The following ZNF385D variants were observed in gnomAD, a reference collection of about 807,000 sequenced individuals.
ZNF385D encodes the protein zinc finger protein 659.
Under a neutral mutation model 35.8 loss-of-function variants are expected in ZNF385D, and 15 were observed. That is an observed-to-expected ratio of 0.42 (90% CI 0.28 to 0.64). ZNF385D has a LOEUF of 0.64. Ranked by LOEUF, ZNF385D falls within the 30% of genes least tolerant of loss-of-function variation. The probability of loss-of-function intolerance (pLI) is 0.23; values close to 1 mark genes in which losing one functional copy is unlikely to be tolerated. For synonymous variants in ZNF385D, 212 were observed against 186.8 expected (o/e 1.13, Z -1.10); for missense variants, 474 against 494.6 (o/e 0.96, Z 0.39).
rs192863919 is a variant in ZNF385D, at chr3:22,070,075, T to C, written c.325+98742A>G. On this transcript the variant is annotated intron_variant, in intron 3 of 5. Transcript: ENST00000494108. ...TGTATGCTGACATTGAAAATGGCCC[T>C]TTCCTAGAATTAAAAACACATTAAT... is the stretch of plus-strand genomic sequence containing the variant. 6.2e-4 allele frequency among the ~76,000 whole-genome samples: 94 copies of C among 152,318 alleles called. 1 individual carries two copies. The East Asian group carries it at 0.016, about 26-fold the overall frequency.
chr3:21,840,826 T>C (rs3849553), intron 3 of ZNF385D, among the ~76,000 whole-genome samples: 1 of 151,944 alleles, frequency 6.6e-6, no homozygotes, highest in Admixed American at 6.6e-5. Flanking sequence ...CATATACTTA[T>C]TATATTGAAA....
At chr3:21,999,248 T>C (rs2878720) in intron 3 of ZNF385D, among the ~76,000 whole-genome samples, 1 of 151,938 alleles carries the variant, frequency 6.6e-6, no homozygotes, top group African/African-American at 2.4e-5. Context: ...AGGTTTTCAC[T>C]GACAAACATA....
In ZNF385D at chr3:22,073,503, A is replaced by C. The variant is rs571245814; in HGVS notation, c.325+95314T>G. The stretch of plus-strand genomic sequence containing the variant: ...ATTTAATAATTGCTTTATTTTTAAA[A>C]AGTGTAAAAAGCCATACACAACAAC... On this transcript the variant is annotated intron_variant, in intron 3 of 5. Transcript: ENST00000494108. 2.0e-5 allele frequency among the ~76,000 whole-genome samples: 3 copies of C among 152,098 alleles called. No individual in the cohort carries two copies. In the East Asian group the frequency reaches 5.8e-4, roughly 29 times the overall value.
At chr3:21,696,386 G>A (rs2067470842) in intron 1 of ZNF385D, among the ~76,000 whole-genome samples, 1 of 152,074 alleles carries the variant, frequency 6.6e-6, no homozygotes. Flanking sequence ...ATAATCCCTG[G>A]TCCCTTACAT....
chr3:22,360,549 C>T (rs956944973), intron 2 of ZNF385D, among the ~76,000 whole-genome samples: 4 of 151,876 alleles, frequency 2.6e-5, no homozygotes, highest in African/African-American at 7.3e-5. Context: ...TTCTTAGACT[C>T]GATTTATTAA....
At chr3:21,617,774 G>A (rs74385031) in intron 2 of ZNF385D, among the ~76,000 whole-genome samples, 1,837 of 152,240 alleles carry the variant, frequency 0.012, 20 homozygotes, top group Non-Finnish European at 0.02. Context: ...CCCTTGGTAC[G>A]ATGTTTGAGA....
chr3:22,214,495 C>A (rs1317023004), intron 2 of ZNF385D, among the ~76,000 whole-genome samples: 1 of 152,076 alleles, frequency 6.6e-6, no homozygotes, highest in Admixed American at 6.6e-5. Flanking sequence ...CGGAACAGAG[C>A]CATATTTCTC....
intron 1 of ZNF385D, among the ~76,000 whole-genome samples, chr3:21,700,643 G>T (rs2067646965): frequency 6.6e-6 from 1 of 152,072 alleles, no homozygotes; most frequent in African/African-American, 2.4e-5. Context: ...CTCATTTACT[G>T]GTGTGTAAAA....
At chr3:21,795,520 C>T (rs1290040643) in intron 3 of ZNF385D, among the ~76,000 whole-genome samples, 5 of 152,084 alleles carry the variant, frequency 3.3e-5, no homozygotes, top group African/African-American at 1.2e-4. Flanking sequence ...TTTATGTCAC[C>T]CGGGGAGAAA....
intron 3 of ZNF385D, among the ~76,000 whole-genome samples, chr3:21,552,875 G>A (rs1575161477): frequency 6.6e-6 from 1 of 152,174 alleles, no homozygotes; most frequent in African/African-American, 2.4e-5. Flanking sequence ...TTAATCAGCT[G>A]ACTTTAAAAT....
At chr3:21,899,045 G>A (rs538212054) in intron 3 of ZNF385D, among the ~76,000 whole-genome samples, 1 of 152,170 alleles carries the variant, frequency 6.6e-6, no homozygotes, top group African/African-American at 2.4e-5. Context: ...TCAGACAATA[G>A]TTCCCATCAG....
Position 22,237,337 on chromosome 3 carries a change from C to A in ZNF385D, c.107-68302G>T, listed in dbSNP as rs138451167. On this transcript the variant is annotated intron_variant, in intron 2 of 5. Coordinates refer to the ZNF385D transcript ENST00000494108. ...TTGTATATCTCTTGGAGAAGTATCCCTTTAAATCACTTGCCCATTTTAATT... is the reference window on the plus strand; with the variant it reads ...TTGTATATCTCTTGGAGAAGTATCCATTTAAATCACTTGCCCATTTTAATT... Among the ~76,000 whole-genome samples the A allele has an allele frequency of 1.1e-3, 173 of 152,192 alleles. 1 individual carries two copies. The highest frequency in any genetic ancestry group is 4.0e-3 in the African/African-American group (165 of 41,554).
At chr3:22,362,891 G>A (rs1468349910) in intron 2 of ZNF385D, among the ~76,000 whole-genome samples, 1 of 151,950 alleles carries the variant, frequency 6.6e-6, no homozygotes, top group African/African-American at 2.4e-5. Flanking sequence ...ATGTTTGGGG[G>A]CCCCTACTTT....
rs10594035 is a variant in ZNF385D, at chr3:21,619,413, C to CGTGT, written c.165+45469_165+45472dup. ...TTTCTTAGTTGTCATCGTGTGTGTGCGTGTGTGTGTGTGTGTGTGTGTGTG... is the reference window on the plus strand; with the variant it reads ...TTTCTTAGTTGTCATCGTGTGTGTGCGTGTGTGTGTGTGTGTGTGTGTGTGTGTG... On this transcript the variant is annotated intron_variant, in intron 2 of 7. Transcript: ENST00000281523. 5.3e-4 allele frequency among the ~76,000 whole-genome samples: 78 copies of CGTGT among 147,856 alleles called. 1 individual carries two copies. The highest frequency in any genetic ancestry group is 2.0e-3 in the East Asian group (10 of 4,996).
chr3:21,939,788 T>C (rs1701428527), intron 3 of ZNF385D, among the ~76,000 whole-genome samples: 1 of 152,198 alleles, frequency 6.6e-6, no homozygotes, highest in South Asian at 2.1e-4. Flanking sequence ...AGAAAGACTT[T>C]GGAAAAGGAA....
Position 21,424,032 on chromosome 3 carries a change from A to C in ZNF385D, c.885T>G (p.Ala295=). 1 of 1,602,614 alleles carries C rather than the reference A, an allele frequency of 6.2e-7. No homozygotes were observed. The highest frequency in any genetic ancestry group is 8.5e-7 in the Non-Finnish European group (1 of 1,176,356). The change falls in exon 7 of 8, where the codon GCT becomes GCG. Residue 295 remains alanine, a synonymous_variant. Transcript: ENST00000281523. Reference sequence around the variant, plus strand: ...ATTTAGGTTTCGGGGGCTTCCCAGCAGCTCTGTCTTTGTGCCTTCTACTGC... The same window carrying C: ...ATTTAGGTTTCGGGGGCTTCCCAGCCGCTCTGTCTTTGTGCCTTCTACTGC... ...HISSRRHKDR[A]AGKPPKPKYS... is the part of the protein sequence containing the mutation.
intron 2 of ZNF385D, among the ~76,000 whole-genome samples, chr3:22,235,383 C>T (rs1161786196): frequency 6.6e-6 from 1 of 151,986 alleles, no homozygotes; most frequent in African/African-American, 2.4e-5. Flanking sequence ...AGGCTGATTG[C>T]AGGGAGAAAA....
At chr3:21,769,773 T>A (rs1221392194) in intron 3 of ZNF385D, among the ~76,000 whole-genome samples, 1 of 138,522 alleles carries the variant, frequency 7.2e-6, no homozygotes, top group Admixed American at 7.5e-5. Context: ...GAGCCCGCAT[T>A]GCCAAGTCAA....
intron 3 of ZNF385D, among the ~76,000 whole-genome samples, chr3:21,780,011 A>G (rs1484974337): frequency 1.3e-5 from 2 of 151,980 alleles, no homozygotes; most frequent in African/African-American, 2.4e-5. Flanking sequence ...ATAAAGCAAG[A>G]TGGGAACATC....
Sources: allele counts gnomAD v4.1 joint callset (sites outside exome capture counted in the v4.1 genomes callset), GRCh38; gene constraint gnomAD v4.1.1; transcripts MANE v1.5; gene names NCBI Gene and HGNC (gene_info 2026-07-23, HGNC 2026-07-21).